EYS: variants seen among roughly 807,000 people sequenced by gnomAD.
The protein encoded by EYS is protein eyes shut homolog.
In EYS, 250 loss-of-function variants were observed where a neutral mutation model predicts 282.1. That is an observed-to-expected ratio of 0.89 (90% CI 0.80 to 0.98). The LOEUF (loss-of-function observed/expected upper bound fraction) is 0.98. Among genes scored for constraint, EYS ranks in the 50% least tolerant of loss-of-function variants. The pLI is 0.00. For missense variants in EYS, 4,016 were observed against 3,709.0 expected, an observed-to-expected ratio of 1.08 and a Z score of -2.15; for synonymous variants, 1,355 against 1,282.9, an observed-to-expected ratio of 1.06 and a Z score of -1.20.
intron 31 of EYS, among the ~76,000 whole-genome samples, chr6:64,147,443 C>T (rs1407008972): frequency 6.6e-6 from 1 of 152,126 alleles, no homozygotes; most frequent in Non-Finnish European, 1.5e-5. Context: ...ATATATTTGG[C>T]TTCAGCTGTA....
intron 22 of EYS, among the ~76,000 whole-genome samples, chr6:64,808,723 C>T (rs1413461947): frequency 6.6e-6 from 1 of 151,964 alleles, no homozygotes; most frequent in Non-Finnish European, 1.5e-5. Context: ...AACAAAGAAT[C>T]TACCTATCTT....
intron 12 of EYS, among the ~76,000 whole-genome samples, chr6:65,220,599 G>A (rs892497861): frequency 1.3e-5 from 2 of 152,100 alleles, no homozygotes; most frequent in Non-Finnish European, 2.9e-5. Context: ...TCAGTCTTGA[G>A]TATGTCTTTA....
intron 33 of EYS, among the ~76,000 whole-genome samples, chr6:64,031,413 C>A (rs1172728694): frequency 6.6e-6 from 1 of 152,232 alleles, no homozygotes; most frequent in Non-Finnish European, 1.5e-5. Flanking sequence ...CCCCCACCCT[C>A]CATGGGCTCC....
At chr6:65,465,773 G>A (rs999249070) in intron 5 of EYS, among the ~76,000 whole-genome samples, 1 of 152,130 alleles carries the variant, frequency 6.6e-6, no homozygotes, top group African/African-American at 2.4e-5. Context: ...CTTGAGTCCA[G>A]GAGTTCACAA....
intron 7 of EYS, among the ~76,000 whole-genome samples, chr6:65,399,643 C>T (rs1442116007): frequency 6.6e-6 from 1 of 151,838 alleles, no homozygotes; most frequent in African/African-American, 2.4e-5. Flanking sequence ...GAAGATTAAC[C>T]ATTTAAAATA....
chr6:63,897,649 T>A (rs544750114), intron 35 of EYS, among the ~76,000 whole-genome samples: 1 of 152,236 alleles, frequency 6.6e-6, no homozygotes, highest in Non-Finnish European at 1.5e-5. Context: ...TGAAGACATA[T>A]CTGTTGTTTT....
intron 30 of EYS, among the ~76,000 whole-genome samples, chr6:64,306,230 T>A (rs1271830327): frequency 1.3e-5 from 2 of 152,104 alleles, no homozygotes; most frequent in Non-Finnish European, 2.9e-5. Flanking sequence ...TGGCTAGAGC[T>A]TCTCTGGGCT....
chr6:64,551,146 ATGTATATACATATATG>A (rs1450439486), intron 26 of EYS, among the ~76,000 whole-genome samples: 190 of 150,226 alleles, frequency 1.3e-3, no homozygotes, highest in African/African-American at 4.4e-3. Context: ...ATACACATAT[ATGTATATACATATATG>A]TGTATATACA....
At chr6:64,692,551 T>C (rs907717122) in intron 22 of EYS, among the ~76,000 whole-genome samples, 22 of 152,206 alleles carry the variant, frequency 1.4e-4, no homozygotes, top group Non-Finnish European at 3.1e-4. Flanking sequence ...CCAAGGTTAA[T>C]GTTCAGAAGA....
In EYS at chr6:65,006,565, G is replaced by T. The variant is rs116143078; in HGVS notation, c.2138-8862C>A. Reference sequence around the variant, plus strand: ...CTAACTCAAAAATATTAAAGTATGGGGCTATTATGTTAGAAAAAGCTAATG... The same window carrying T: ...CTAACTCAAAAATATTAAAGTATGGTGCTATTATGTTAGAAAAAGCTAATG... On this transcript the variant is annotated intron_variant, in intron 13 of 42. Coordinates refer to ENST00000503581, the MANE Select transcript of EYS (RefSeq NM_001142800.2). Among the ~76,000 whole-genome samples, 699 of 150,110 alleles carry T rather than the reference G, an allele frequency of 4.7e-3. 3 individuals carry two copies. The highest frequency in any genetic ancestry group is 7.8e-3 in the Non-Finnish European group (529 of 67,650).
intron 14 of EYS, among the ~76,000 whole-genome samples, chr6:64,969,084 T>A (rs1229372870): frequency 1.3e-5 from 2 of 151,928 alleles, no homozygotes; most frequent in East Asian, 3.9e-4. Context: ...AATCAACTCC[T>A]TGCGTGAAAA....
At chr6:63,948,425 T>C (rs552701157) in intron 35 of EYS, among the ~76,000 whole-genome samples, 2 of 152,360 alleles carry the variant, frequency 1.3e-5, no homozygotes, top group East Asian at 3.9e-4. Context: ...TGCTCTATCA[T>C]GTAGCTGCTC....
chr6:65,052,761 T>C (rs1356494380), intron 13 of EYS, among the ~76,000 whole-genome samples: 2 of 151,646 alleles, frequency 1.3e-5, no homozygotes, highest in Non-Finnish European at 3.0e-5. Flanking sequence ...ACCCTTTCCT[T>C]CAAAAAGAAA....
chr6:65,479,162 A>G (rs1765512578), intron 5 of EYS, among the ~76,000 whole-genome samples: 1 of 151,916 alleles, frequency 6.6e-6, no homozygotes, highest in Admixed American at 6.6e-5. Flanking sequence ...TGGTTGAACT[A>G]AAATGAATAG....
chr6:63,731,380 C>T (rs969232368), intron 41 of EYS, among the ~76,000 whole-genome samples: 11 of 152,020 alleles, frequency 7.2e-5, no homozygotes, highest in South Asian at 2.1e-4. Flanking sequence ...TTTTTAAATT[C>T]GATTTGCAAT....
At chr6:65,240,429 T>A (rs1767030047) in intron 12 of EYS, among the ~76,000 whole-genome samples, 1 of 152,124 alleles carries the variant, frequency 6.6e-6, no homozygotes, top group African/African-American at 2.4e-5. Flanking sequence ...CTTGCCCACC[T>A]CCTTCCCTCC....
chr6:65,588,269 AT>A (rs945588598), intron 2 of EYS, among the ~76,000 whole-genome samples: 151 of 151,950 alleles, frequency 9.9e-4, no homozygotes, highest in African/African-American at 3.5e-3. Flanking sequence ...ATTTTTACTG[AT>A]TTTTTTCTCC....
At chr6:64,544,907 C>T (rs1201045622) in intron 26 of EYS, among the ~76,000 whole-genome samples, 2 of 152,114 alleles carry the variant, frequency 1.3e-5, no homozygotes, top group African/African-American at 2.4e-5. Context: ...AAGTCCAGGA[C>T]CAGATGGATT....
intron 26 of EYS, among the ~76,000 whole-genome samples, chr6:64,547,841 C>T (rs186845471): frequency 0.011 from 1,644 of 152,302 alleles, 34 homozygotes; most frequent in African/African-American, 0.036. Flanking sequence ...TCAGGCATGG[C>T]GGGCTACAGG....
Sources: gnomAD v4.1 joint callset for allele counts (sites outside exome capture counted in the v4.1 genomes callset) on GRCh38, gnomAD v4.1.1 for gene constraint, MANE v1.5 for transcripts, NCBI Gene and HGNC (gene_info 2026-07-23, HGNC 2026-07-21) for gene names.